DPY19L4: variants seen among roughly 807,000 people sequenced by gnomAD.
DPY19L4 encodes dpy-19 like 4.
Under a neutral mutation model 102.8 loss-of-function variants are expected in DPY19L4, and 97 were observed. The observed-to-expected ratio is 0.94, with a 90% confidence interval of 0.80 to 1.12. The LOEUF (loss-of-function observed/expected upper bound fraction) is 1.12, where lower values mean the gene tolerates loss of function less well. Ranked by LOEUF, DPY19L4 falls within the 50% of genes most tolerant of loss-of-function variation. The pLI, the probability that DPY19L4 is intolerant of heterozygous loss-of-function variation, is 0.00. For synonymous variants in DPY19L4, 252 were observed against 283.1 expected (o/e 0.89, Z 1.10); for missense variants, 815 against 850.4 (o/e 0.96, Z 0.52).
intron 13 of DPY19L4, among the ~76,000 whole-genome samples, chr8:94,773,943 A>C (rs1379289643): frequency 7.4e-6 from 1 of 134,664 alleles, no homozygotes; most frequent in Admixed American, 7.9e-5. Context: ...GCTGAGGTGG[A>C]TGGATTGCTT....
intron 3 of DPY19L4, among the ~76,000 whole-genome samples, chr8:94,735,368 CTGAG>C (rs1393608727): frequency 1.3e-5 from 2 of 152,142 alleles, no homozygotes; most frequent in Non-Finnish European, 1.5e-5. Flanking sequence ...GTCAAGCTGA[CTGAG>C]TATTTTAAAG....
chr8:94,761,605 C>A, intron 7 of DPY19L4, 95 bp from the exon 8 acceptor site: 4 of 1,083,794 alleles, frequency 3.7e-6, no homozygotes, highest in Non-Finnish European at 3.7e-6. Context: ...TAAAGTTGAA[C>A]GAGTAACAGA....
At chr8:94,738,118 A>G (rs1259721457) in intron 3 of DPY19L4, among the ~76,000 whole-genome samples, 1 of 151,614 alleles carries the variant, frequency 6.6e-6, no homozygotes, top group East Asian at 2.0e-4. Context: ...GGAGATCGAA[A>G]CCATCCTGAC....
intron 6 of DPY19L4, among the ~76,000 whole-genome samples, chr8:94,750,606 A>C (rs1811875701): frequency 6.6e-6 from 1 of 151,980 alleles, no homozygotes; most frequent in African/African-American, 2.4e-5. Context: ...TCTTCTATGA[A>C]TGTATATGTG....
At chr8:94,737,350 A>G (rs1811228328) in intron 3 of DPY19L4, among the ~76,000 whole-genome samples, 1 of 151,866 alleles carries the variant, frequency 6.6e-6, no homozygotes, top group Admixed American at 6.6e-5. Context: ...TAATTTTTCT[A>G]TTTTTAGTAG....
chr8:94,740,921 C>T (rs1028252424), intron 6 of DPY19L4, among the ~76,000 whole-genome samples: 2 of 152,180 alleles, frequency 1.3e-5, no homozygotes, highest in African/African-American at 4.8e-5. Context: ...ATCCAGGACT[C>T]CATAGTGCAT....
At chr8:94,777,520 T>C in intron 13 of DPY19L4, 146 bp from the exon 14 acceptor site, 1 of 957,766 alleles carries the variant, frequency 1.0e-6, no homozygotes, top group Non-Finnish European at 1.5e-6. Context: ...AACAATCTGT[T>C]GCTGAAAATT....
intron 3 of DPY19L4, among the ~76,000 whole-genome samples, chr8:94,736,711 T>A (rs897616908): frequency 9.2e-5 from 14 of 152,354 alleles, no homozygotes; most frequent in Admixed American, 2.6e-4. Context: ...TAAGATTTGC[T>A]GTACCTCTGG....
chr8:94,786,333 C>T (rs1164703329), intron 17 of DPY19L4, among the ~76,000 whole-genome samples: 1 of 152,082 alleles, frequency 6.6e-6, no homozygotes, highest in Non-Finnish European at 1.5e-5. Flanking sequence ...TCATGTTGCC[C>T]AGGCTGGTCT....
At chr8:94,764,689 G>GTGTGTGTGTGTGTATATATATA (rs1415377058) in intron 8 of DPY19L4, among the ~76,000 whole-genome samples, 1 of 43,212 alleles carries the variant, frequency 2.3e-5, no homozygotes, top group African/African-American at 1.1e-4. Flanking sequence ...GTCTGTGTGT[G>GTGTGTGTGTGTGTATATATATA]TATATATATA....
At chr8:94,727,523 C>T (rs936171353) in intron 2 of DPY19L4, among the ~76,000 whole-genome samples, 8 of 152,152 alleles carry the variant, frequency 5.3e-5, no homozygotes, top group African/African-American at 1.9e-4. Flanking sequence ...CATAAGCCAC[C>T]GTGCCCAGCC....
intron 6 of DPY19L4, among the ~76,000 whole-genome samples, chr8:94,750,736 C>A (rs1009365679): frequency 6.6e-6 from 1 of 151,720 alleles, no homozygotes; most frequent in Admixed American, 6.6e-5. Context: ...CCCACAAAAT[C>A]ATCAACACAA....
At chr8:94,763,129 A>T (rs1812468316) in intron 8 of DPY19L4, among the ~76,000 whole-genome samples, 1 of 149,656 alleles carries the variant, frequency 6.7e-6, no homozygotes, top group South Asian at 2.1e-4. Flanking sequence ...TTGTGTTGTT[A>T]GTAGAGACAG....
rs888224018 is a variant in DPY19L4, at chr8:94,779,984, TG to T, written c.1576-374del. ...AGCTATTTTTCTTGTGTTAATTCAT[TG>T]TTTTTTTTGTTGTTAGCTTTTCATG... On this transcript the variant is annotated intron_variant, in intron 14 of 18. Transcript: ENST00000414645. Among the ~76,000 whole-genome samples, 280 of 152,268 alleles carry T rather than the reference TG, an allele frequency of 1.8e-3. 1 individual carries two copies. Among genetic ancestry groups the T allele is most frequent in the African/African-American group, 6.3e-3 (263 of 41,562 alleles).
At chr8:94,753,642 G>A (rs1812040260) in intron 6 of DPY19L4, among the ~76,000 whole-genome samples, 1 of 152,190 alleles carries the variant, frequency 6.6e-6, no homozygotes, top group East Asian at 1.9e-4. Context: ...GGAGGTCGAG[G>A]CAGGTGGATC....
intron 1 of DPY19L4, among the ~76,000 whole-genome samples, chr8:94,721,191 C>T (rs1469174078): frequency 1.3e-5 from 2 of 152,206 alleles, no homozygotes; most frequent in African/African-American, 4.8e-5. Flanking sequence ...GGTGATCCGC[C>T]CACCTCGGCC....
At chr8:94,736,565 A>G (rs561656264) in intron 3 of DPY19L4, among the ~76,000 whole-genome samples, 9 of 152,346 alleles carry the variant, frequency 5.9e-5, no homozygotes, top group Admixed American at 4.6e-4. Context: ...GATACATATT[A>G]TGCATAAAAA....
intron 11 of DPY19L4, among the ~76,000 whole-genome samples, chr8:94,767,295 C>CTT (rs5893296): frequency 0.025 from 3,268 of 132,684 alleles, 156 homozygotes; most frequent in African/African-American, 0.084. Flanking sequence ...AACCAGGAGT[C>CTT]TTTTTTTTTT....
At chr8:94,737,348 C>T (rs1470786792) in intron 3 of DPY19L4, among the ~76,000 whole-genome samples, 1 of 151,846 alleles carries the variant, frequency 6.6e-6, no homozygotes, top group African/African-American at 2.4e-5. Flanking sequence ...CCTAATTTTT[C>T]TATTTTTAGT....
Sources: gnomAD v4.1 joint callset for allele counts (sites outside exome capture counted in the v4.1 genomes callset) on GRCh38, gnomAD v4.1.1 for gene constraint, MANE v1.5 for transcripts, NCBI Gene and HGNC (gene_info 2026-07-23, HGNC 2026-07-21) for gene names.